The following TCF4 variants were observed in gnomAD, a reference collection of about 807,000 sequenced individuals.
The protein encoded by TCF4 is transcription factor 4.
TCF4 carries 3 observed loss-of-function variants against 82.1 expected under a neutral mutation model. The ratio of observed to expected loss-of-function variants is 0.04; its 90% CI spans 0.02 to 0.09. TCF4 has a LOEUF of 0.09. Ranked by LOEUF, TCF4 falls within the 10% of genes least tolerant of loss-of-function variation. The pLI is 1.00. For synonymous variants in TCF4, 276 were observed against 309.6 expected (o/e 0.89, Z 1.14); for missense variants, 518 against 852.7 (o/e 0.61, Z 4.89).
At chr18:55,574,696 A>T (rs1205610186) in intron 3 of TCF4, among the ~76,000 whole-genome samples, 1 of 152,088 alleles carries the variant, frequency 6.6e-6, no homozygotes, top group Admixed American at 6.6e-5. Context: ...TTATTTAACA[A>T]CTGCAACATA....
At chr18:55,274,004 T>C (rs939980664) in intron 10 of TCF4, among the ~76,000 whole-genome samples, 1 of 152,116 alleles carries the variant, frequency 6.6e-6, no homozygotes, top group African/African-American at 2.4e-5. Flanking sequence ...GAAAAATTAA[T>C]GTCAAATGGG....
intron 3 of TCF4, among the ~76,000 whole-genome samples, chr18:55,517,335 G>A (rs1019745068): frequency 1.3e-5 from 2 of 152,152 alleles, no homozygotes; most frequent in Non-Finnish European, 1.5e-5. Context: ...AAACCACATG[G>A]AACAGAAGTG....
chr18:55,510,619 C>A, intron 3 of TCF4: 2 of 1,516,490 alleles, frequency 1.3e-6, no homozygotes. Flanking sequence ...GTAATAAATT[C>A]CCCCAATATA....
intron 8 of TCF4, among the ~76,000 whole-genome samples, chr18:55,347,403 G>A (rs1484466758): frequency 1.3e-5 from 2 of 151,960 alleles, no homozygotes. Context: ...GCTTCCCCCC[G>A]ACACGCTGTG....
chr18:55,297,687 T>C (rs1182751095), intron 8 of TCF4, among the ~76,000 whole-genome samples: 1 of 152,100 alleles, frequency 6.6e-6, no homozygotes, highest in African/African-American at 2.4e-5. Flanking sequence ...GATGGTTGTT[T>C]GCGTGCATTA....
intron 5 of TCF4, among the ~76,000 whole-genome samples, chr18:55,423,261 T>A (rs762654928): frequency 6.6e-6 from 1 of 151,998 alleles, no homozygotes; most frequent in Non-Finnish European, 1.5e-5. Flanking sequence ...ATTGGCTCCG[T>A]TACAAAAAAA....
At chr18:55,363,634 T>C (rs2086078003) in intron 6 of TCF4, among the ~76,000 whole-genome samples, 1 of 152,028 alleles carries the variant, frequency 6.6e-6, no homozygotes, top group African/African-American at 2.4e-5. Flanking sequence ...CGAAACCCCA[T>C]GTCTCTACTA....
At chr18:55,523,242 G>A (rs1470890609) in intron 3 of TCF4, among the ~76,000 whole-genome samples, 1 of 151,952 alleles carries the variant, frequency 6.6e-6, no homozygotes, top group African/African-American at 2.4e-5. Flanking sequence ...TGGAACATAA[G>A]AGTGAAATAA....
chr18:55,559,054 A>AG (rs1568396518), intron 3 of TCF4, among the ~76,000 whole-genome samples: 1 of 151,820 alleles, frequency 6.6e-6, no homozygotes, highest in Non-Finnish European at 1.5e-5. Flanking sequence ...AAAAAAAAAA[A>AG]AAAATCAGTC....
At chr18:55,454,485 T>C (rs1206803070) in intron 5 of TCF4, among the ~76,000 whole-genome samples, 1 of 152,232 alleles carries the variant, frequency 6.6e-6, no homozygotes, top group Admixed American at 6.5e-5. Flanking sequence ...TGCTAAATAC[T>C]GATCTATGCA....
intron 8 of TCF4, among the ~76,000 whole-genome samples, chr18:55,313,532 G>A (rs537391270): frequency 2.0e-5 from 3 of 152,068 alleles, no homozygotes; most frequent in South Asian, 4.2e-4. Context: ...AGACTATAAT[G>A]ACATTCCTAA....
At chr18:55,350,240 C>T in intron 8 of TCF4, 119 bp downstream of exon 8, 1 of 1,053,678 alleles carries the variant, frequency 9.5e-7, no homozygotes, top group Non-Finnish European at 1.5e-6. Context: ...ACCTCATCCA[C>T]CTTCTAGATA....
chr18:55,626,431 T>G (rs1297968287), intron 2 of TCF4, among the ~76,000 whole-genome samples: 2 of 152,224 alleles, frequency 1.3e-5, no homozygotes, highest in Non-Finnish European at 2.9e-5. Context: ...GGTGAAGTAG[T>G]TAGAGCTGTT....
intron 5 of TCF4, 78 bp from the exon 6 acceptor site, chr18:55,403,596 C>T (rs771646071): frequency 6.8e-6 from 11 of 1,613,284 alleles, no homozygotes; most frequent in Non-Finnish European, 8.5e-6. Context: ...CAGACATCTA[C>T]TGCTCTTCCC....
intron 8 of TCF4, among the ~76,000 whole-genome samples, chr18:55,292,372 C>T (rs533120453): frequency 2.0e-5 from 3 of 152,096 alleles, no homozygotes; most frequent in African/African-American, 7.2e-5. Context: ...AATGTAAAAC[C>T]CATACAATTG....
chr18:55,376,782 AC>A (rs1023644725), intron 6 of TCF4, among the ~76,000 whole-genome samples: 23 of 152,328 alleles, frequency 1.5e-4, no homozygotes, highest in African/African-American at 5.5e-4. Context: ...CTTCCCAAGA[AC>A]CTCAATATGT....
intron 8 of TCF4, among the ~76,000 whole-genome samples, chr18:55,325,075 C>A (rs1447487743): frequency 6.6e-6 from 1 of 152,112 alleles, no homozygotes; most frequent in East Asian, 1.9e-4. Flanking sequence ...CATAGTATTA[C>A]CTACAAGGTA....
chr18:55,588,396 C>A, upstream of TCF4: 2 of 1,533,502 alleles, frequency 1.3e-6, no homozygotes. Flanking sequence ...CGCACCCACC[C>A]CGAGGGGAAA....
At chr18:55,276,619 G>C (rs982816824) in intron 9 of TCF4, among the ~76,000 whole-genome samples, 3 of 152,144 alleles carry the variant, frequency 2.0e-5, no homozygotes, top group Non-Finnish European at 4.4e-5. Flanking sequence ...GGTTTCCCAA[G>C]CCTAAGGGAA....
Sources: allele counts gnomAD v4.1 joint callset (sites outside exome capture counted in the v4.1 genomes callset), GRCh38; gene constraint gnomAD v4.1.1; transcripts MANE v1.5; gene names NCBI Gene and HGNC (gene_info 2026-07-23, HGNC 2026-07-21).